NFATC2: variants seen among roughly 807,000 people sequenced by gnomAD.
The protein encoded by NFATC2 is nuclear factor of activated T-cells, cytoplasmic 2.
NFATC2 carries 22 observed loss-of-function variants against 87.3 expected under a neutral mutation model. The ratio of observed to expected loss-of-function variants is 0.25; its 90% CI spans 0.18 to 0.36. NFATC2 has a LOEUF of 0.36. Among genes scored for constraint, NFATC2 ranks in the 10% least tolerant of loss-of-function variants. NFATC2 has a pLI of 1.00. For missense variants in NFATC2, 1,149 were observed against 1,259.1 expected (o/e 0.91, Z 1.32); for synonymous variants, 565 against 542.2 (o/e 1.04, Z -0.58).
At chr20:51,462,052 C>T (rs920695628) in intron 5 of NFATC2, among the ~76,000 whole-genome samples, 3 of 150,532 alleles carry the variant, frequency 2.0e-5, no homozygotes, top group Non-Finnish European at 4.4e-5. Flanking sequence ...TGGGAGGTGG[C>T]GGTTGCAGTG....
intron 5 of NFATC2, among the ~76,000 whole-genome samples, chr20:51,456,965 T>A (rs537892508): frequency 3.7e-4 from 56 of 152,302 alleles, no homozygotes; most frequent in African/African-American, 1.2e-3. Context: ...ACCAATCCCC[T>A]GATGGCTTTT....
intron 3 of NFATC2, among the ~76,000 whole-genome samples, chr20:51,483,098 C>T (rs531793476): frequency 1.3e-5 from 2 of 152,214 alleles, no homozygotes; most frequent in African/African-American, 2.4e-5. Flanking sequence ...CTTGCGTGCC[C>T]GTTCTGCCTG....
intron 3 of NFATC2, among the ~76,000 whole-genome samples, 169 bp from the exon 4 acceptor site, chr20:51,475,829 G>T (rs74644406): frequency 6.6e-6 from 1 of 152,246 alleles, no homozygotes; most frequent in Non-Finnish European, 1.5e-5. Context: ...AGAGGGTAAC[G>T]CTTGGATAAA....
chr20:51,425,006 A>G (rs1464323728), intron 9 of NFATC2, among the ~76,000 whole-genome samples: 1 of 151,994 alleles, frequency 6.6e-6, no homozygotes, highest in Non-Finnish European at 1.5e-5. Flanking sequence ...GAACAGACAC[A>G]TTGTGTGTCT....
rs552208390 is a variant in NFATC2 at position 51,410,131 on chromosome 20, A to G, written c.2723-11401T>C. Among the ~76,000 whole-genome samples, 50 of 147,948 alleles carry G rather than the reference A, an allele frequency of 3.4e-4. No individual in the cohort carries two copies. The South Asian group carries it at 0.011, about 32-fold the overall frequency. On this transcript the variant is annotated intron_variant, in intron 9 of 10. Coordinates refer to ENST00000371564, the MANE Select transcript of NFATC2 (RefSeq NM_012340.5). The stretch of plus-strand genomic sequence containing the variant: ...AGGCTGAGGCAGGAGAATGGCGTGA[A>G]CTCGGGAGGCGGAGCTGGCAGTGAG...
intron 1 of NFATC2, among the ~76,000 whole-genome samples, chr20:51,535,297 C>T (rs931782122): frequency 2.6e-5 from 4 of 152,180 alleles, no homozygotes; most frequent in Non-Finnish European, 4.4e-5. Context: ...GCAAACAGTC[C>T]CTCTCTCCGA....
At chr20:51,482,559 A>G (rs902295374) in intron 3 of NFATC2, among the ~76,000 whole-genome samples, 7 of 152,168 alleles carry the variant, frequency 4.6e-5, no homozygotes, top group Non-Finnish European at 1.0e-4. Context: ...ACAATTTTAT[A>G]TATTTATGGG....
At chr20:51,510,160 T>C (rs988912837) in intron 3 of NFATC2, among the ~76,000 whole-genome samples, 3 of 150,678 alleles carry the variant, frequency 2.0e-5, no homozygotes, top group Middle Eastern at 3.4e-3. Context: ...TCCCAGAGAG[T>C]TGTAAGAATA....
chr20:51,447,194 T>C (rs971677027), intron 6 of NFATC2, among the ~76,000 whole-genome samples: 4 of 152,244 alleles, frequency 2.6e-5, no homozygotes, highest in Non-Finnish European at 5.9e-5. Context: ...CAGGATATGA[T>C]GACTCAGTGG....
In NFATC2 at chr20:51,516,904, C is replaced by G; in HGVS notation, c.1212G>C (p.Gln404His). 1 of 1,614,148 alleles carries G rather than the reference C, an allele frequency of 6.2e-7. No individual in the cohort carries two copies. Among genetic ancestry groups the G allele is most frequent in the South Asian group, 1.1e-5 (1 of 91,080 alleles). The change falls in exon 3 of 11, where the codon CAG becomes CAC. Residue 404 changes from glutamine to histidine, a missense_variant. Around this residue, in one of 3 missense-constraint regions of NFATC2, gnomAD observed 563 missense variants for 585.2 expected, o/e 0.96. Transcript: ENST00000371564. ...LPPLEWPLSS[Q>H]SGSYELRIEV... ...CGATCCGCAGCTCGTAAGAGCCTGA[C>G]TGACTGGACAGCGGCCACTCAAGTG...
At chr20:51,407,029 T>A (rs1393267539) in intron 9 of NFATC2, among the ~76,000 whole-genome samples, 1 of 152,208 alleles carries the variant, frequency 6.6e-6, no homozygotes, top group African/African-American at 2.4e-5. Context: ...GTCCACAGTC[T>A]TCCTTAGTAT....
At chr20:51,450,717 C>G (rs1360031584) in intron 6 of NFATC2, among the ~76,000 whole-genome samples, 6 of 152,202 alleles carry the variant, frequency 3.9e-5, no homozygotes, top group Admixed American at 6.5e-5. Flanking sequence ...CCATGGGTGC[C>G]AGCTTAGATG....
At chr20:51,547,918 T>A (rs2146824288) in intron 1 of NFATC2, among the ~76,000 whole-genome samples, 1 of 152,314 alleles carries the variant, frequency 6.6e-6, no homozygotes, top group East Asian at 1.9e-4. Context: ...CTTGGACAAC[T>A]GCAGAAGCCT....
At chr20:51,501,494 G>A (rs2146629529) in intron 3 of NFATC2, among the ~76,000 whole-genome samples, 1 of 152,320 alleles carries the variant, frequency 6.6e-6, no homozygotes, top group Non-Finnish European at 1.5e-5. Context: ...GCAAGCTTCT[G>A]CCTCAGGGCT....
chr20:51,441,167 C>T (rs559797366), intron 6 of NFATC2, among the ~76,000 whole-genome samples: 1 of 152,260 alleles, frequency 6.6e-6, no homozygotes, highest in South Asian at 2.1e-4. Flanking sequence ...CTTGCAATCC[C>T]AGCTACTCGG....
chr20:51,516,944 G>C lies in NFATC2; in HGVS notation c.1172C>G (p.Thr391Ser). Residue 391 changes from threonine (T) to serine (S), a missense_variant, in exon 3 of 11, where the codon ACT (threonine) becomes AGT (serine). Physicochemically the swap from Thr to Ser is moderately conservative, Grantham distance 58. Coordinates refer to ENST00000371564, the MANE Select transcript of NFATC2 (RefSeq NM_012340.5). The stretch of plus-strand genomic sequence containing the variant: ...CCACTCAAGTGGAGGGAGGGATGCA[G>C]TCACTGGGATGCTAAAGGAGAAAAT... ...PAIPICSIPV[T>S]ASLPPLEWPL... 6.2e-7 allele frequency: 1 copy of C among 1,609,888 alleles called. No homozygotes were observed. The highest frequency in any genetic ancestry group is 1.1e-5 in the South Asian group (1 of 90,210).
chr20:51,432,772 A>G lies in NFATC2; in HGVS notation c.2033-16T>C. 1.3e-6 allele frequency: 2 copies of G among 1,545,238 alleles called. No homozygotes were observed. Among genetic ancestry groups the G allele is most frequent in the Non-Finnish European group, 1.7e-6 (2 of 1,155,388 alleles). ...ATGGCTGGGACTGGGAGGAGAAAAG[A>G]GCACATAGGGGCGCCCATGGCAGTG... On this transcript the variant is annotated splice_polypyrimidine_tract_variant and intron_variant, in intron 8 of 10. Coordinates refer to ENST00000371564, the MANE Select transcript of NFATC2 (RefSeq NM_012340.5). The surrounding 1 kb of genome is among the most constrained non-coding windows in gnomAD (Gnocchi z 4.6).
intron 3 of NFATC2, among the ~76,000 whole-genome samples, chr20:51,493,356 C>T (rs1191615918): frequency 6.6e-6 from 1 of 152,092 alleles, no homozygotes; most frequent in Non-Finnish European, 1.5e-5. Flanking sequence ...TGTTGTAATT[C>T]TTGTCGTTTT....
chr20:51,555,345 G>A (rs1406729507), intron 1 of NFATC2, among the ~76,000 whole-genome samples: 1 of 152,130 alleles, frequency 6.6e-6, no homozygotes, highest in Non-Finnish European at 1.5e-5. Flanking sequence ...TGTAATCCCA[G>A]CACTTTGGGA....
Sources: gnomAD v4.1 joint callset for allele counts (sites outside exome capture counted in the v4.1 genomes callset) on GRCh38, gnomAD v4.1.1 for gene constraint, gnomAD v4.1.1 regional missense constraint, Gnocchi (gnomAD v3.1) non-coding constraint, MANE v1.5 for transcripts, NCBI Gene and HGNC (gene_info 2026-07-23, HGNC 2026-07-21) for gene names.